Variants in PTPRD observed in about 807,000 individuals in gnomAD.
PTPRD encodes the protein protein tyrosine phosphatase receptor type D.
A neutral mutation model predicts 214.5 loss-of-function variants in PTPRD; 34 were observed. The ratio of observed to expected loss-of-function variants is 0.16; its 90% CI spans 0.12 to 0.21. The LOEUF is 0.21. Ranked by LOEUF, PTPRD falls within the 10% of genes least tolerant of loss-of-function variation. PTPRD has a pLI of 1.00. For synonymous variants in PTPRD, 1,128 were observed against 845.7 expected (o/e 1.33, Z -5.79); for missense variants, 2,545 against 2,398.7 (o/e 1.06, Z -1.27).
chr9:9,528,732 C>T (rs2074745660), intron 8 of PTPRD, among the ~76,000 whole-genome samples: 1 of 151,510 alleles, frequency 6.6e-6, no homozygotes, highest in African/African-American at 2.4e-5. Context: ...GGAAATATTG[C>T]ATGCAGATAA....
At chr9:9,104,663 T>C (rs909827897) in intron 10 of PTPRD, among the ~76,000 whole-genome samples, 12 of 152,214 alleles carry the variant, frequency 7.9e-5, no homozygotes, top group African/African-American at 2.9e-4. Context: ...GTTCTCATGA[T>C]GAATTGTATT....
At chr9:9,898,900 C>T (rs2075715165) in intron 5 of PTPRD, among the ~76,000 whole-genome samples, 1 of 151,984 alleles carries the variant, frequency 6.6e-6, no homozygotes, top group African/African-American at 2.4e-5. Context: ...ACGCATATCC[C>T]ATATTCTCCA....
At chr9:9,858,175 C>T (rs985439858) in intron 5 of PTPRD, among the ~76,000 whole-genome samples, 1 of 152,102 alleles carries the variant, frequency 6.6e-6, no homozygotes, top group Non-Finnish European at 1.5e-5. Context: ...AATGATAAAT[C>T]TTTTTCATCA....
chr9:9,820,491 G>C (rs1044816468), intron 5 of PTPRD, among the ~76,000 whole-genome samples: 1 of 151,942 alleles, frequency 6.6e-6, no homozygotes, highest in East Asian at 1.9e-4. Flanking sequence ...AGTTTAATTA[G>C]GTTCCACTTG....
intron 4 of PTPRD, among the ~76,000 whole-genome samples, chr9:9,965,730 G>A (rs1001686172): frequency 6.6e-5 from 10 of 152,094 alleles, no homozygotes; most frequent in African/African-American, 2.4e-4. Flanking sequence ...AGTGTTGTAA[G>A]CCCCTCCACT....
chr9:10,373,582 T>G (rs1479205341), intron 2 of PTPRD, among the ~76,000 whole-genome samples: 2 of 152,106 alleles, frequency 1.3e-5, no homozygotes, highest in Non-Finnish European at 2.9e-5. Flanking sequence ...CTGTGTGAAG[T>G]CAAAGGAAAA....
chr9:8,921,142 G>A (rs1250948823), intron 11 of PTPRD, among the ~76,000 whole-genome samples: 1 of 152,058 alleles, frequency 6.6e-6, no homozygotes, highest in African/African-American at 2.4e-5. Context: ...CTCAAACCAG[G>A]AAGGTCTAGA....
intron 4 of PTPRD, among the ~76,000 whole-genome samples, chr9:9,951,240 G>A (rs938485009): frequency 6.6e-6 from 1 of 152,080 alleles, no homozygotes; most frequent in African/African-American, 2.4e-5. Flanking sequence ...AAGTCTTGGG[G>A]CATCCATCTC....
intron 8 of PTPRD, among the ~76,000 whole-genome samples, chr9:9,548,646 A>G (rs970514781): frequency 1.3e-5 from 2 of 152,050 alleles, no homozygotes; most frequent in Admixed American, 6.6e-5. Flanking sequence ...AAGTAAAGAC[A>G]CAAAAGAGTT....
chr9:10,169,486 A>AAAAAAAAAAAAAAAAAAAAC (rs2099186582), intron 3 of PTPRD, among the ~76,000 whole-genome samples: 1 of 150,614 alleles, frequency 6.6e-6, no homozygotes, highest in African/African-American at 2.5e-5. Context: ...AAAAAAAAAA[A>AAAAAAAAAAAAAAAAAAAAC]AAAAAAAGCA....
At chr9:8,920,345 T>C (rs997962536) in intron 11 of PTPRD, among the ~76,000 whole-genome samples, 2 of 151,756 alleles carry the variant, frequency 1.3e-5, no homozygotes, top group African/African-American at 4.9e-5. Flanking sequence ...CAAAAAAAAA[T>C]ATTAAGACAA....
At chr9:9,763,001 T>TTC (rs1184898885) in intron 6 of PTPRD, among the ~76,000 whole-genome samples, 1 of 152,298 alleles carries the variant, frequency 6.6e-6, no homozygotes, top group East Asian at 1.9e-4. Flanking sequence ...TTGCTGTGTG[T>TTC]TCACATGATC....
chr9:10,416,516 C>T (rs544755022), intron 2 of PTPRD, among the ~76,000 whole-genome samples: 2 of 151,808 alleles, frequency 1.3e-5, no homozygotes, highest in Admixed American at 6.6e-5. Flanking sequence ...AGAGATTTCA[C>T]TGGGAAAATA....
intron 2 of PTPRD, among the ~76,000 whole-genome samples, chr9:10,485,218 C>G (rs1337051698): frequency 6.6e-6 from 1 of 152,010 alleles, no homozygotes; most frequent in Non-Finnish European, 1.5e-5. Context: ...TTCCATTGGT[C>G]TACGTGTCTG....
chr9:9,838,490 G>A (rs2057445018), intron 5 of PTPRD, among the ~76,000 whole-genome samples: 6 of 152,020 alleles, frequency 3.9e-5, no homozygotes. Context: ...ATCTCATTGT[G>A]GTTTTGATTT....
At chr9:9,692,862 T>C (rs191627798) in intron 7 of PTPRD, among the ~76,000 whole-genome samples, 2 of 152,082 alleles carry the variant, frequency 1.3e-5, no homozygotes, top group African/African-American at 4.8e-5. Flanking sequence ...GGTTAATTCC[T>C]AGGTATTTAA....
chr9:9,279,710 C>T lies in PTPRD; in HGVS notation c.-202-96347G>A, dbSNP rs60213688. 2.1e-3 allele frequency among the ~76,000 whole-genome samples: 318 copies of T among 150,786 alleles called. 3 individuals are homozygous for T. Among genetic ancestry groups the T allele is most frequent in the African/African-American group, 7.3e-3 (301 of 41,300 alleles). On this transcript the variant is annotated intron_variant, in intron 9 of 45. Coordinates refer to ENST00000381196, the MANE Select transcript of PTPRD (RefSeq NM_002839.4). Reference sequence around the variant, plus strand: ...ATTTTATATAAAAATAAAAATTCCCCTCATCTCTCCATTTGCCTTCTATCT... The same window carrying T: ...ATTTTATATAAAAATAAAAATTCCCTTCATCTCTCCATTTGCCTTCTATCT...
At chr9:8,930,790 C>T (rs1410193501) in intron 11 of PTPRD, among the ~76,000 whole-genome samples, 1 of 152,052 alleles carries the variant, frequency 6.6e-6, no homozygotes, top group Non-Finnish European at 1.5e-5. Context: ...TATCCTTTGC[C>T]CACTTTTTGA....
chr9:9,451,778 GA>G (rs2092247365), intron 8 of PTPRD, among the ~76,000 whole-genome samples: 1 of 151,238 alleles, frequency 6.6e-6, no homozygotes, highest in Non-Finnish European at 1.5e-5. Flanking sequence ...AGTTTTTTTA[GA>G]AATAAAAAAT....
Sources: gnomAD v4.1 joint callset for allele counts (sites outside exome capture counted in the v4.1 genomes callset) on GRCh38, gnomAD v4.1.1 for gene constraint, MANE v1.5 for transcripts, NCBI Gene and HGNC (gene_info 2026-07-23, HGNC 2026-07-21) for gene names.